GPATCH2: variants seen among roughly 807,000 people sequenced by gnomAD.
GPATCH2 encodes the protein G patch domain-containing protein 2.
Under a neutral mutation model 58.0 loss-of-function variants are expected in GPATCH2, and 51 were observed. That is an observed-to-expected ratio of 0.88 (90% CI 0.70 to 1.11). The LOEUF (loss-of-function observed/expected upper bound fraction) is 1.11, where lower values mean the gene tolerates loss of function less well. Ranked by LOEUF, GPATCH2 falls within the 50% of genes most tolerant of loss-of-function variation. The probability of loss-of-function intolerance (pLI) is 0.00; values close to 1 mark genes in which losing one functional copy is unlikely to be tolerated. For missense variants in GPATCH2, 625 were observed against 652.2 expected (o/e 0.96, Z 0.45); for synonymous variants, 222 against 218.5 (o/e 1.02, Z -0.14).
At chr1:217,524,305 C>T (rs1418887918) in intron 5 of GPATCH2, among the ~76,000 whole-genome samples, 3 of 148,624 alleles carry the variant, frequency 2.0e-5, no homozygotes, top group African/African-American at 7.8e-5. Flanking sequence ...GATGGGATGG[C>T]GGCTGGGAAG....
At chr1:217,476,449 A>C (rs994509627) in intron 8 of GPATCH2, among the ~76,000 whole-genome samples, 1 of 152,140 alleles carries the variant, frequency 6.6e-6, no homozygotes, top group Non-Finnish European at 1.5e-5. Context: ...CCTGGATTTA[A>C]CTTCATACTG....
chr1:217,484,598 CAT>C (rs1244132893), intron 8 of GPATCH2, among the ~76,000 whole-genome samples: 2 of 145,132 alleles, frequency 1.4e-5, no homozygotes, highest in African/African-American at 5.0e-5. Context: ...TACACGTGTG[CAT>C]ATATATGTAT....
intron 1 of GPATCH2, 106 bp from the exon 2 acceptor site, chr1:217,620,605 A>G: frequency 1.4e-6 from 1 of 690,372 alleles, no homozygotes; most frequent in Admixed American, 2.6e-5. Context: ...ATTAATGATT[A>G]CAAAATGTTT....
intron 3 of GPATCH2, among the ~76,000 whole-genome samples, chr1:217,612,350 G>A (rs899956909): frequency 1.3e-5 from 2 of 152,142 alleles, no homozygotes; most frequent in African/African-American, 4.8e-5. Context: ...TTTACAGAAA[G>A]ATATTTCTGA....
chr1:217,594,307 C>T (rs1219168057), intron 5 of GPATCH2, among the ~76,000 whole-genome samples: 1 of 151,880 alleles, frequency 6.6e-6, no homozygotes, highest in Non-Finnish European at 1.5e-5. Context: ...AACATGTGAG[C>T]TTAAAAATAA....
intron 8 of GPATCH2, among the ~76,000 whole-genome samples, chr1:217,453,749 GGCTGACAAGGACCGAA>G (rs1659784493): frequency 2.0e-5 from 3 of 152,084 alleles, no homozygotes; most frequent in Admixed American, 2.0e-4. Context: ...TTTTGACACG[GGCTGACAAGGACCGAA>G]GCAGGCAGTG....
chr1:217,620,540 T>A, intron 1 of GPATCH2, 41 bp from the exon 2 acceptor site: 1 of 1,060,056 alleles, frequency 9.4e-7, no homozygotes, highest in Non-Finnish European at 1.4e-6. Context: ...TAGTCAGTCT[T>A]AACCACAGTA....
intron 5 of GPATCH2, among the ~76,000 whole-genome samples, chr1:217,523,813 C>T (rs1366586386): frequency 2.8e-5 from 4 of 144,318 alleles, no homozygotes; most frequent in Non-Finnish European, 6.1e-5. Context: ...CTGACCCCCC[C>T]ACCTCCCTCC....
At position 217,454,319 on chromosome 1, in the gene GPATCH2, G is replaced by A. The variant is rs542957333; in HGVS notation, c.1278-4982C>T. Among the ~76,000 whole-genome samples the A allele has an allele frequency of 4.2e-4, 64 of 152,204 alleles. 1 individual carries two copies. Among genetic ancestry groups the A allele is most frequent in the African/African-American group, 1.4e-3 (59 of 41,550 alleles). ...ATCCTTGTTTTTCTGGCCTGGTGCG[G>A]TGGCTCACGCCTGTAATCCCAGCAC... is the stretch of plus-strand genomic sequence containing the variant. On this transcript the variant is annotated intron_variant, in intron 8 of 9. Coordinates refer to ENST00000366935, the MANE Select transcript of GPATCH2 (RefSeq NM_018040.5).
At chr1:217,491,856 G>T in intron 7 of GPATCH2, 106 bp from the exon 8 acceptor site, 4 of 384,632 alleles carry the variant, frequency 1.0e-5, no homozygotes, top group Admixed American at 4.7e-5. Context: ...TCATTTATTT[G>T]CACGGCTTTT....
At chr1:217,554,714 T>C (rs1665536737) in intron 5 of GPATCH2, among the ~76,000 whole-genome samples, 2 of 152,180 alleles carry the variant, frequency 1.3e-5, no homozygotes, top group Admixed American at 1.3e-4. Context: ...CAAATTATAG[T>C]AATATTTTAA....
intron 8 of GPATCH2, among the ~76,000 whole-genome samples, chr1:217,468,329 A>G (rs953818184): frequency 6.6e-6 from 1 of 152,158 alleles, no homozygotes; most frequent in Non-Finnish European, 1.5e-5. Context: ...ACAAAACAAA[A>G]CACCAAACCT....
chr1:217,565,319 C>T (rs1438992561), intron 5 of GPATCH2, among the ~76,000 whole-genome samples: 1 of 152,156 alleles, frequency 6.6e-6, no homozygotes, highest in South Asian at 2.1e-4. Context: ...AAAAAGAAAA[C>T]TTAATACTTT....
At chr1:217,522,699 T>TCCTAGATGGGATGGCGGCTG (rs1402754097) in intron 5 of GPATCH2, among the ~76,000 whole-genome samples, 4 of 148,934 alleles carry the variant, frequency 2.7e-5, no homozygotes, top group African/African-American at 1.0e-4. Context: ...TGGATTAGAT[T>TCCTAGATGGGATGGCGGCTG]GGCAATCTAT....
intron 9 of GPATCH2, among the ~76,000 whole-genome samples, chr1:217,448,190 C>T (rs1372129645): frequency 1.3e-5 from 2 of 151,644 alleles, no homozygotes; most frequent in African/African-American, 4.8e-5. Flanking sequence ...TAAAACCATG[C>T]ATATACTTAC....
intron 4 of GPATCH2, 117 bp from the exon 5 acceptor site, chr1:217,610,517 G>A (rs920380343): frequency 3.7e-5 from 25 of 668,982 alleles, no homozygotes; most frequent in Non-Finnish European, 5.4e-5. Context: ...TGAATGCCAC[G>A]AATATTATTT....
intron 5 of GPATCH2, among the ~76,000 whole-genome samples, chr1:217,527,779 AAG>A (rs1164302804): frequency 6.6e-6 from 1 of 152,220 alleles, no homozygotes; most frequent in Non-Finnish European, 1.5e-5. Context: ...ATTCACTAAT[AAG>A]AGAGGAGATA....
At chr1:217,565,431 T>A (rs1161150565) in intron 5 of GPATCH2, among the ~76,000 whole-genome samples, 2 of 152,206 alleles carry the variant, frequency 1.3e-5, no homozygotes, top group Non-Finnish European at 2.9e-5. Flanking sequence ...AGGAAATTCC[T>A]GAAAAGAAAA....
intron 6 of GPATCH2, among the ~76,000 whole-genome samples, chr1:217,510,940 C>CA (rs983017579): frequency 1.3e-5 from 2 of 151,158 alleles, no homozygotes; most frequent in African/African-American, 2.4e-5. Flanking sequence ...TAAAAAAATA[C>CA]AAAAAAAATT....
Sources: allele counts gnomAD v4.1 joint callset (sites outside exome capture counted in the v4.1 genomes callset), GRCh38; gene constraint gnomAD v4.1.1; transcripts MANE v1.5; gene names NCBI Gene and HGNC (gene_info 2026-07-23, HGNC 2026-07-21).